The following ZC2HC1A variants were observed in gnomAD, a reference collection of about 807,000 sequenced individuals.
ZC2HC1A encodes zinc finger C2HC domain-containing protein 1A.
Under a neutral mutation model 40.7 loss-of-function variants are expected in ZC2HC1A, and 28 were observed. The ratio of observed to expected loss-of-function variants is 0.69; its 90% CI spans 0.51 to 0.94. ZC2HC1A has a LOEUF of 0.94. Among genes scored for constraint, ZC2HC1A ranks in the 40% least tolerant of loss-of-function variants. ZC2HC1A has a pLI of 0.00. For synonymous variants in ZC2HC1A, 129 were observed against 129.2 expected (o/e 1.00, Z 0.01); for missense variants, 389 against 386.3 (o/e 1.01, Z -0.06).
At chr8:78,714,891 G>A (rs1205072280) in intron 7 of ZC2HC1A, among the ~76,000 whole-genome samples, 1 of 151,996 alleles carries the variant, frequency 6.6e-6, no homozygotes, top group Non-Finnish European at 1.5e-5. Flanking sequence ...GCATTTATCA[G>A]AATATATGTT....
intron 1 of ZC2HC1A, among the ~76,000 whole-genome samples, chr8:78,668,734 T>G (rs1333997592): frequency 1.3e-5 from 2 of 152,182 alleles, no homozygotes; most frequent in South Asian, 2.1e-4. Context: ...CAAAACCTTT[T>G]AATTCCTTTT....
chr8:78,707,845 CT>C (rs1304058241), intron 7 of ZC2HC1A, among the ~76,000 whole-genome samples: 24 of 84,328 alleles, frequency 2.8e-4, no homozygotes, highest in Non-Finnish European at 5.1e-4. Flanking sequence ...GAGTTCCTTC[CT>C]TTTTTTTTCT....
intron 1 of ZC2HC1A, among the ~76,000 whole-genome samples, chr8:78,675,155 A>C (rs1350857935): frequency 6.6e-6 from 1 of 151,600 alleles, no homozygotes; most frequent in East Asian, 1.9e-4. Context: ...AATTGAGTGA[A>C]AGTTGTAGCT....
intron 1 of ZC2HC1A, among the ~76,000 whole-genome samples, chr8:78,670,380 A>G (rs542643548): frequency 6.6e-6 from 1 of 152,320 alleles, no homozygotes; most frequent in South Asian, 2.1e-4. Context: ...TAGTGTTTCA[A>G]AAAATGTGCT....
At chr8:78,667,909 G>A (rs781683101) in intron 1 of ZC2HC1A, among the ~76,000 whole-genome samples, 4 of 150,940 alleles carry the variant, frequency 2.7e-5, no homozygotes, top group African/African-American at 4.9e-5. Flanking sequence ...AGCTTATGAT[G>A]TTATAGGGCC....
intron 4 of ZC2HC1A, 139 bp downstream of exon 4, chr8:78,686,747 G>A: frequency 2.3e-6 from 2 of 883,454 alleles, no homozygotes; most frequent in Non-Finnish European, 3.0e-6. Flanking sequence ...GTGTAAAATG[G>A]TGGTGGTAAT....
Position 78,719,693 on chromosome 8 carries a change from A to G in ZC2HC1A, c.*2200A>G, listed in dbSNP as rs974878712. 2 of 151,652 alleles carry G rather than the reference A, an allele frequency of 1.3e-5. No homozygotes were observed. The highest frequency in any genetic ancestry group is 2.4e-5 in the African/African-American group (1 of 41,396). The allele number at this position is 151,652 out of a possible 1,614,324, so 9.4% of individuals were successfully genotyped here. On this transcript the variant is annotated 3_prime_UTR_variant, in exon 9 of 9. Transcript: ENST00000263849. The stretch of plus-strand genomic sequence containing the variant: ...TGGTGACTATTATTTCTTGTCCACT[A>G]TTTGTTTTTTGTTTTTTCACCAATA...
intron 2 of ZC2HC1A, among the ~76,000 whole-genome samples, chr8:78,676,968 A>G (rs1435742006): frequency 1.3e-5 from 2 of 152,216 alleles, no homozygotes; most frequent in African/African-American, 4.8e-5. Context: ...TGGGTCCACT[A>G]GATAGTCATC....
At chr8:78,697,080 C>T (rs972267078) in intron 5 of ZC2HC1A, among the ~76,000 whole-genome samples, 2 of 152,140 alleles carry the variant, frequency 1.3e-5, no homozygotes, top group Non-Finnish European at 2.9e-5. Context: ...TTAATCTATA[C>T]TTCCTCAATT....
chr8:78,705,786 G>C (rs1810754541), intron 7 of ZC2HC1A, among the ~76,000 whole-genome samples: 1 of 152,142 alleles, frequency 6.6e-6, no homozygotes, highest in Non-Finnish European at 1.5e-5. Context: ...GGGCTGGCTG[G>C]AGGTCCCAGT....
At chr8:78,687,457 C>T (rs1392634546) in intron 4 of ZC2HC1A, among the ~76,000 whole-genome samples, 2 of 143,370 alleles carry the variant, frequency 1.4e-5, no homozygotes, top group African/African-American at 5.1e-5. Flanking sequence ...ACTATATATA[C>T]ATAATTATAT....
At chr8:78,675,939 G>A in intron 2 of ZC2HC1A, 76 bp downstream of exon 2, 1 of 1,309,760 alleles carries the variant, frequency 7.6e-7, no homozygotes, top group Non-Finnish European at 1.1e-6. Flanking sequence ...ATTCTCATGG[G>A]AAGAATTTAC....
At chr8:78,676,011 T>C in intron 2 of ZC2HC1A, 148 bp downstream of exon 2, 2 of 510,518 alleles carry the variant, frequency 3.9e-6, no homozygotes, top group Non-Finnish European at 6.6e-6. Context: ...TGATTTCAGC[T>C]ATGCCATTCT....
In ZC2HC1A at chr8:78,714,605, A is replaced by T. The variant is rs545290327; in HGVS notation, c.705-616A>T. Among the ~76,000 whole-genome samples the T allele has an allele frequency of 2.6e-5, 4 of 152,276 alleles. No individual in the cohort carries two copies. The East Asian group carries it at 7.7e-4, about 29-fold the overall frequency. ...TTATATCATCATCATTTAGTTTTCT[A>T]ACCCTTCTTTGATTCTTAAAGTTTC... On this transcript the variant is annotated intron_variant, in intron 7 of 8. Coordinates refer to ENST00000263849, the MANE Select transcript of ZC2HC1A (RefSeq NM_016010.3).
rs1056166952 is a variant in ZC2HC1A at position 78,711,933 on chromosome 8, T to C, written c.705-3288T>C. 1.1e-5 allele frequency: 12 copies of C among 1,111,292 alleles called. No homozygotes were observed. The African/African-American group carries it at 1.8e-4, about 17-fold the overall frequency. The allele number at this position is 1,111,292 out of a possible 1,614,324, so 68.8% of individuals were successfully genotyped here. A position where few individuals can be genotyped will look rare whatever the true frequency, so the allele number is the denominator to read the frequency against. ...CAGAATAATGTCTTTTAAAAAAACTTTATATAAAGAAGCAGTAGCAATCTC... is the reference window on the plus strand; with the variant it reads ...CAGAATAATGTCTTTTAAAAAAACTCTATATAAAGAAGCAGTAGCAATCTC... On this transcript the variant is annotated intron_variant, in intron 7 of 8. Coordinates refer to ENST00000263849, the MANE Select transcript of ZC2HC1A (RefSeq NM_016010.3).
chr8:78,697,305 G>C (rs1810454017), intron 5 of ZC2HC1A, 102 bp from the exon 6 acceptor site: 2 of 910,062 alleles, frequency 2.2e-6, no homozygotes, highest in Non-Finnish European at 3.2e-6. Context: ...CATCTTGTAA[G>C]GCTGAAATCC....
intron 7 of ZC2HC1A, among the ~76,000 whole-genome samples, chr8:78,713,960 C>G (rs577752718): frequency 6.6e-6 from 1 of 152,206 alleles, no homozygotes; most frequent in South Asian, 2.1e-4. Context: ...GTTGTTATTA[C>G]CTGCATGTAC....
At chr8:78,716,598 C>G (rs143877784) in intron 8 of ZC2HC1A, among the ~76,000 whole-genome samples, 41 of 152,300 alleles carry the variant, frequency 2.7e-4, no homozygotes, top group African/African-American at 9.4e-4. Context: ...CTAAGGATCT[C>G]TATCTTTCCT....
In ZC2HC1A at chr8:78,718,968, G is replaced by A. The variant is rs958908065; in HGVS notation, c.*1475G>A. ...AATTTATTAGCTTAGTTTAGTTTGG[G>A]CAGGAGTTACAAACTTAATAGGAAT... On this transcript the variant is annotated 3_prime_UTR_variant, in exon 9 of 9. Coordinates refer to ENST00000263849, the MANE Select transcript of ZC2HC1A (RefSeq NM_016010.3). The A allele has an allele frequency of 6.6e-6, 1 of 151,606 alleles. No individual in the cohort carries two copies. Among genetic ancestry groups the A allele is most frequent in the Non-Finnish European group, 1.5e-5 (1 of 67,678 alleles). 9.4% of individuals were successfully genotyped at this position (151,606 alleles called of 1,614,324 possible). A position where few individuals can be genotyped will look rare whatever the true frequency, so the allele number is the denominator to read the frequency against.
Sources: gnomAD v4.1 joint callset for allele counts (sites outside exome capture counted in the v4.1 genomes callset) on GRCh38, gnomAD v4.1.1 for gene constraint, MANE v1.5 for transcripts, NCBI Gene and HGNC (gene_info 2026-07-23, HGNC 2026-07-21) for gene names.